Variants in BEND7 observed in about 807,000 individuals in gnomAD.
The protein encoded by BEND7 is BEN domain containing 7, also known as BEN domain-containing protein 7.
Under a neutral mutation model 50.9 loss-of-function variants are expected in BEND7, and 28 were observed. The ratio of observed to expected loss-of-function variants is 0.55; its 90% CI spans 0.41 to 0.75. The LOEUF is 0.75. Among genes scored for constraint, BEND7 ranks in the 30% least tolerant of loss-of-function variants. The pLI, the probability that BEND7 is intolerant of heterozygous loss-of-function variation, is 0.00. For synonymous variants in BEND7, 170 were observed against 183.9 expected (o/e 0.92, Z 0.61); for missense variants, 477 against 491.3 (o/e 0.97, Z 0.28).
chr10:13,460,321 C>A (rs1209441879), intron 6 of BEND7, among the ~76,000 whole-genome samples: 1 of 152,200 alleles, frequency 6.6e-6, no homozygotes, highest in Non-Finnish European at 1.5e-5. Context: ...CCCAATTCCA[C>A]CTGCACCCCA....
intron 6 of BEND7, among the ~76,000 whole-genome samples, chr10:13,472,722 C>T (rs535535394): frequency 6.6e-6 from 1 of 151,812 alleles, no homozygotes; most frequent in African/African-American, 2.4e-5. Flanking sequence ...TGATACTCAT[C>T]GCTGTTACAC....
At chr10:13,516,871 T>C (rs938416783) in intron 2 of BEND7, among the ~76,000 whole-genome samples, 3 of 152,206 alleles carry the variant, frequency 2.0e-5, no homozygotes, top group African/African-American at 7.2e-5. Flanking sequence ...AAGGAGGCTT[T>C]TGGATTTCCA....
At chr10:13,520,559 G>A (rs2079014715) in intron 2 of BEND7, among the ~76,000 whole-genome samples, 1 of 152,284 alleles carries the variant, frequency 6.6e-6, no homozygotes, top group East Asian at 1.9e-4. Flanking sequence ...GTTACGTACT[G>A]AGATCAGCCC....
chr10:13,468,531 G>A (rs940431609), intron 6 of BEND7, among the ~76,000 whole-genome samples: 3 of 152,216 alleles, frequency 2.0e-5, no homozygotes, highest in African/African-American at 7.2e-5. Context: ...CCAAGGGGAA[G>A]TAAGTAGGAA....
chr10:13,493,222 C>T (rs189246448), intron 4 of BEND7, among the ~76,000 whole-genome samples: 9 of 152,274 alleles, frequency 5.9e-5, no homozygotes, highest in Non-Finnish European at 8.8e-5. Flanking sequence ...ATGAGAACTT[C>T]GGGATTTAAA....
At chr10:13,477,204 C>T (rs1362354470) in intron 6 of BEND7, among the ~76,000 whole-genome samples, 12 of 152,106 alleles carry the variant, frequency 7.9e-5, no homozygotes, top group Non-Finnish European at 1.0e-4. Flanking sequence ...AAATTGAACT[C>T]CTACTGTTAT....
chr10:13,468,589 A>T (rs2074489639), intron 6 of BEND7, among the ~76,000 whole-genome samples: 1 of 152,166 alleles, frequency 6.6e-6, no homozygotes, highest in Non-Finnish European at 1.5e-5. Flanking sequence ...GGCTGTTAGG[A>T]TACATTAGGA....
intron 6 of BEND7, among the ~76,000 whole-genome samples, chr10:13,475,566 A>G (rs1166187660): frequency 6.6e-6 from 1 of 152,234 alleles, no homozygotes; most frequent in Non-Finnish European, 1.5e-5. Context: ...TATCTTCAAG[A>G]AAAGACCTGC....
intron 6 of BEND7, among the ~76,000 whole-genome samples, chr10:13,455,913 G>A (rs932468238): frequency 6.6e-6 from 1 of 152,112 alleles, no homozygotes; most frequent in African/African-American, 2.4e-5. Flanking sequence ...CGGCTGCCAC[G>A]CCACAGACAG....
chr10:13,526,155 GT>G lies in BEND7; in HGVS notation c.127del (p.Thr43HisfsTer6). On this transcript the variant is annotated frameshift_variant, in exon 2 of 9. Coordinates refer to ENST00000466271, the MANE Select transcript of BEND7 (RefSeq NM_001369863.1). LOFTEE classifies it high-confidence loss of function. Reference sequence around the variant, plus strand: ...GAACCTACCTAAAAAAATGGGCTGTGTCTCTTTGGCCTCCCCATTAACATCG... The same window carrying G: ...GAACCTACCTAAAAAAATGGGCTGTGCTCTTTGGCCTCCCCATTAACATCG... ...SNDVNGEAKE[T>X]QPIFLGDESM... 7.8e-7 allele frequency: 1 copy of G among 1,288,668 alleles called. No homozygotes were observed. Among genetic ancestry groups the G allele is most frequent in the Non-Finnish European group, 1.0e-6 (1 of 988,190 alleles). The allele number at this position is 1,288,668 out of a possible 1,614,324, so 79.8% of individuals were successfully genotyped here.
chr10:13,508,194 G>A (rs922483369), intron 2 of BEND7, among the ~76,000 whole-genome samples: 8 of 152,180 alleles, frequency 5.3e-5, no homozygotes, highest in Admixed American at 3.3e-4. Context: ...ATGCCATCAA[G>A]GTCCCAGCTG....
chr10:13,440,315 C>G (rs1835165542), downstream of BEND7, among the ~76,000 whole-genome samples: 1 of 152,366 alleles, frequency 6.6e-6, no homozygotes, highest in Middle Eastern at 3.4e-3. Context: ...CTGGGGGCAT[C>G]AGGGCAGAGG....
intron 6 of BEND7, among the ~76,000 whole-genome samples, chr10:13,462,004 C>T (rs1840313622): frequency 6.6e-6 from 1 of 152,174 alleles, no homozygotes; most frequent in African/African-American, 2.4e-5. Context: ...CCAGCAAATA[C>T]CAGAGGCAGT....
chr10:13,500,115 T>C (rs947251090), intron 2 of BEND7, 35 bp from the exon 3 acceptor site: 2 of 1,480,540 alleles, frequency 1.4e-6, no homozygotes, highest in East Asian at 2.3e-5. Flanking sequence ...GCACTCTAAA[T>C]TAGTGAAAGA....
chr10:13,492,759 G>C lies in BEND7; in HGVS notation c.689C>G (p.Thr230Ser), dbSNP rs750785715. ...TGACCCACTGGGCTTCTGTTTCACA[G>C]TAAGAGGTTCCACAGTCTTTGGGGG... is the stretch of plus-strand genomic sequence containing the variant. ...KVPPKTVEPL[T>S]VKQKPSGSEM... is the part of the protein sequence containing the mutation. Residue 230 changes from threonine to serine, a missense_variant, in exon 5 of 9, where the codon ACT (threonine) becomes AGT (serine). Transcript: ENST00000466271. 2.5e-6 allele frequency: 4 copies of C among 1,613,792 alleles called. No individual in the cohort carries two copies. The highest frequency in any genetic ancestry group is 3.4e-6 in the Non-Finnish European group (4 of 1,179,950).
intron 6 of BEND7, among the ~76,000 whole-genome samples, chr10:13,454,492 A>T (rs549425368): frequency 3.1e-4 from 47 of 152,010 alleles, no homozygotes; most frequent in South Asian, 6.2e-4. Flanking sequence ...TGGTGGTGCA[A>T]GCCTGTGGTT....
intron 5 of BEND7, among the ~76,000 whole-genome samples, chr10:13,485,760 T>G (rs1425822544): frequency 1.3e-5 from 2 of 152,246 alleles, no homozygotes; most frequent in African/African-American, 2.4e-5. Flanking sequence ...CATAATTGAT[T>G]TAATTTTGTT....
rs1004108822 is a variant in BEND7, at chr10:13,441,232, A to G, written c.*511T>C. On this transcript the variant is annotated 3_prime_UTR_variant, in exon 9 of 9. Coordinates refer to ENST00000466271, the MANE Select transcript of BEND7 (RefSeq NM_001369863.1). ...TTAAAGAACATAGTAATTTTAAAAA[A>G]TCTAAATATTTACATATTAATAAAA... The G allele has an allele frequency of 7.7e-6, 7 of 912,706 alleles. No homozygotes were observed. Among genetic ancestry groups the G allele is most frequent in the Non-Finnish European group, 9.2e-6 (7 of 763,896 alleles). 56.5% of individuals were successfully genotyped at this position (912,706 alleles called of 1,614,324 possible).
At chr10:13,446,132 C>T (rs1226956186) in intron 8 of BEND7, 1 of 152,194 alleles carries the variant, frequency 6.6e-6, no homozygotes, top group Admixed American at 6.5e-5. Flanking sequence ...ATGGGAAGAA[C>T]TTGATGTAGG....
Sources: allele counts gnomAD v4.1 joint callset (sites outside exome capture counted in the v4.1 genomes callset), GRCh38; gene constraint gnomAD v4.1.1; transcripts MANE v1.5; gene names NCBI Gene and HGNC (gene_info 2026-07-23, HGNC 2026-07-21).